GPC5: variants seen among roughly 807,000 people sequenced by gnomAD.
GPC5 encodes the protein glypican-5.
GPC5 carries 47 observed loss-of-function variants against 53.9 expected under a neutral mutation model. The observed-to-expected ratio is 0.87, with a 90% CI of 0.69 to 1.11. GPC5 has a LOEUF of 1.11. Among genes scored for constraint, GPC5 ranks in the 50% most tolerant of loss-of-function variants. The probability of loss-of-function intolerance (pLI) is 0.00; values close to 1 mark genes in which losing one functional copy is unlikely to be tolerated. For missense variants in GPC5, 748 were observed against 713.1 expected (o/e 1.05, Z -0.56); for synonymous variants, 286 against 263.3 (o/e 1.09, Z -0.84).
intron 7 of GPC5, among the ~76,000 whole-genome samples, chr13:92,740,896 T>TATATA (rs1889065978): frequency 9.6e-5 from 13 of 134,912 alleles, no homozygotes; most frequent in African/African-American, 3.3e-4. Flanking sequence ...ATTTATTTAT[T>TATATA]TATATATATA....
At chr13:92,188,471 G>T (rs1002901455) in intron 7 of GPC5, among the ~76,000 whole-genome samples, 2 of 152,028 alleles carry the variant, frequency 1.3e-5, no homozygotes, top group African/African-American at 4.8e-5. Flanking sequence ...TTTATTTTAT[G>T]TATTTATTTA....
At chr13:92,252,939 G>A (rs1594038893) in intron 7 of GPC5, among the ~76,000 whole-genome samples, 1 of 152,054 alleles carries the variant, frequency 6.6e-6, no homozygotes, top group Admixed American at 6.6e-5. Flanking sequence ...CATATGGAAT[G>A]GGCATAAAAA....
intron 7 of GPC5, among the ~76,000 whole-genome samples, chr13:92,697,955 A>G (rs1272175949): frequency 2.6e-5 from 4 of 152,134 alleles, no homozygotes; most frequent in East Asian, 3.9e-4. Context: ...TGAGATAATC[A>G]TGTGGTTTTT....
At chr13:92,558,366 A>T (rs189952038) in intron 7 of GPC5, among the ~76,000 whole-genome samples, 1 of 152,086 alleles carries the variant, frequency 6.6e-6, no homozygotes, top group Admixed American at 6.6e-5. Flanking sequence ...CAAGTGACAT[A>T]TCTCAGAGAT....
intron 6 of GPC5, among the ~76,000 whole-genome samples, chr13:92,113,224 C>A (rs920883500): frequency 6.6e-6 from 1 of 151,898 alleles, no homozygotes; most frequent in Non-Finnish European, 1.5e-5. Flanking sequence ...ATTTAATTGT[C>A]AATGTATGTT....
intron 7 of GPC5, among the ~76,000 whole-genome samples, chr13:92,579,123 T>G (rs1883281863): frequency 6.6e-6 from 1 of 152,140 alleles, no homozygotes; most frequent in African/African-American, 2.4e-5. Context: ...CAAATCTATT[T>G]TAAATACATA....
intron 7 of GPC5, among the ~76,000 whole-genome samples, chr13:92,572,469 C>T (rs1390657513): frequency 1.3e-5 from 2 of 152,080 alleles, no homozygotes; most frequent in Non-Finnish European, 2.9e-5. Context: ...AGATGGATAC[C>T]GCTGTGGTGA....
intron 7 of GPC5, chr13:92,339,885 T>A (rs1279756572): frequency 6.6e-6 from 1 of 152,116 alleles, no homozygotes; most frequent in Non-Finnish European, 1.5e-5. Context: ...TGCTATGTCT[T>A]TACAATGAAT....
intron 1 of GPC5, among the ~76,000 whole-genome samples, chr13:91,433,574 C>T (rs546627628): frequency 8.9e-4 from 135 of 152,250 alleles, no homozygotes; most frequent in African/African-American, 3.3e-3. Context: ...TGTATATGTG[C>T]CACATTTTCT....
intron 7 of GPC5, among the ~76,000 whole-genome samples, chr13:92,624,080 A>AT (rs35437038): frequency 0.49 from 67,493 of 138,886 alleles, 15,899 homozygotes; most frequent in Admixed American, 0.51. Flanking sequence ...CAGGCTGGTA[A>AT]TTTTTTTTTT....
chr13:91,456,809 T>C (rs542471186), intron 2 of GPC5, among the ~76,000 whole-genome samples: 1 of 150,842 alleles, frequency 6.6e-6, no homozygotes, highest in East Asian at 1.9e-4. Context: ...TTTAGCCCTG[T>C]GCACTTAGCA....
rs1305797963 is a variant in GPC5, at chr13:92,866,637, T to C, written c.*198T>C. ...GTTTAAATGACACACTTTAAAAATA[T>C]GTCTTTTTTCAATCTAACTGAAAAC... On this transcript the variant is annotated 3_prime_UTR_variant, in exon 8 of 8. Transcript: ENST00000377067. The C allele has an allele frequency of 2.5e-6, 1 of 393,092 alleles. No homozygotes were observed. The highest frequency in any genetic ancestry group is 4.5e-6 in the Non-Finnish European group (1 of 224,134). The allele number at this position is 393,092 out of a possible 1,614,324, so 24.4% of individuals were successfully genotyped here.
At chr13:92,789,626 A>G (rs1431807037) in intron 7 of GPC5, among the ~76,000 whole-genome samples, 1 of 152,144 alleles carries the variant, frequency 6.6e-6, no homozygotes, top group Non-Finnish European at 1.5e-5. Context: ...GAGATTAGGT[A>G]ATTTGCTCAA....
At chr13:91,860,273 A>G (rs1415460917) in intron 5 of GPC5, among the ~76,000 whole-genome samples, 1 of 152,054 alleles carries the variant, frequency 6.6e-6, no homozygotes, top group Non-Finnish European at 1.5e-5. Context: ...TTTAACTTCT[A>G]TAAGATCAAA....
chr13:91,832,690 C>G (rs943315774), intron 5 of GPC5, among the ~76,000 whole-genome samples: 1 of 152,106 alleles, frequency 6.6e-6, no homozygotes, highest in East Asian at 1.9e-4. Flanking sequence ...TTCTTTGAAA[C>G]CAATGAGAAC....
chr13:92,757,598 T>C (rs956113518), intron 7 of GPC5, among the ~76,000 whole-genome samples: 2 of 152,116 alleles, frequency 1.3e-5, no homozygotes, highest in Non-Finnish European at 2.9e-5. Flanking sequence ...AAAGGGCTAA[T>C]ATCCAGAATC....
At chr13:92,525,946 T>C (rs192428040) in intron 7 of GPC5, among the ~76,000 whole-genome samples, 13 of 152,282 alleles carry the variant, frequency 8.5e-5, no homozygotes, top group Non-Finnish European at 1.8e-4. Flanking sequence ...ACTACCTTGA[T>C]GCTCTATCAG....
At chr13:91,801,252 T>TG (rs2038129981) in intron 5 of GPC5, among the ~76,000 whole-genome samples, 3 of 96,558 alleles carry the variant, frequency 3.1e-5, no homozygotes, top group South Asian at 6.5e-4. Context: ...ACATCCATAC[T>TG]TTGTGTGTGT....
At chr13:92,528,349 A>C (rs1425663664) in intron 7 of GPC5, among the ~76,000 whole-genome samples, 1 of 152,142 alleles carries the variant, frequency 6.6e-6, no homozygotes, top group East Asian at 1.9e-4. Flanking sequence ...AGTCATGCCA[A>C]TCAGAATAAA....
Sources: gnomAD v4.1 joint callset for allele counts (sites outside exome capture counted in the v4.1 genomes callset) on GRCh38, gnomAD v4.1.1 for gene constraint, MANE v1.5 for transcripts, NCBI Gene and HGNC (gene_info 2026-07-23, HGNC 2026-07-21) for gene names.